The following PDLIM5 variants were observed in gnomAD, a reference collection of about 807,000 sequenced individuals.
The protein encoded by PDLIM5 is PDZ and LIM domain 5, also known as PDZ and LIM domain protein 5.
Under a neutral mutation model 64.2 loss-of-function variants are expected in PDLIM5, and 34 were observed. The ratio of observed to expected loss-of-function variants is 0.53; its 90% CI spans 0.40 to 0.71. PDLIM5 has a LOEUF of 0.71. PDLIM5 is among the 30% of genes least tolerant of loss of function. The pLI is 0.00. For synonymous variants in PDLIM5, 253 were observed against 269.1 expected (o/e 0.94, Z 0.59); for missense variants, 683 against 733.6 (o/e 0.93, Z 0.80).
At chr4:94,612,698 AAAAG>A (rs1738475594) in intron 7 of PDLIM5, among the ~76,000 whole-genome samples, 1 of 152,056 alleles carries the variant, frequency 6.6e-6, no homozygotes, top group African/African-American at 2.4e-5. Context: ...ATGGTTTCTA[AAAAG>A]ATAGTCTAGT....
intron 7 of PDLIM5, among the ~76,000 whole-genome samples, chr4:94,614,315 G>C (rs992389525): frequency 6.6e-6 from 1 of 151,942 alleles, no homozygotes; most frequent in Non-Finnish European, 1.5e-5. Context: ...AGGTCTTGCC[G>C]TGTTGCCCAG....
At chr4:94,648,377 T>C (rs896819530) in intron 9 of PDLIM5, among the ~76,000 whole-genome samples, 1 of 152,228 alleles carries the variant, frequency 6.6e-6, no homozygotes, top group Non-Finnish European at 1.5e-5. Flanking sequence ...TGGAATGCAG[T>C]GGCAGGATCT....
At chr4:94,585,909 C>T (rs548191131) in intron 6 of PDLIM5, among the ~76,000 whole-genome samples, 172 bp downstream of exon 6, 3 of 152,220 alleles carry the variant, frequency 2.0e-5, no homozygotes, top group Non-Finnish European at 2.9e-5. Flanking sequence ...CAGTGGCTCA[C>T]GCCTGTAATC....
chr4:94,630,546 G>A (rs1242554573), intron 8 of PDLIM5, among the ~76,000 whole-genome samples: 1 of 151,870 alleles, frequency 6.6e-6, no homozygotes, highest in East Asian at 1.9e-4. Flanking sequence ...GCTAATTTTT[G>A]TATTTTTTCA....
At chr4:94,532,686 C>G (rs1730995617) in intron 3 of PDLIM5, among the ~76,000 whole-genome samples, 3 of 152,154 alleles carry the variant, frequency 2.0e-5, no homozygotes, top group Non-Finnish European at 4.4e-5. Context: ...GATCACAACC[C>G]TCACTCTTTT....
At chr4:94,611,508 A>T (rs1050258022) in intron 7 of PDLIM5, among the ~76,000 whole-genome samples, 1 of 152,240 alleles carries the variant, frequency 6.6e-6, no homozygotes, top group Non-Finnish European at 1.5e-5. Flanking sequence ...CATTGCATGG[A>T]TATAGCTATA....
intron 3 of PDLIM5, among the ~76,000 whole-genome samples, chr4:94,563,993 T>A (rs981380136): frequency 6.7e-6 from 1 of 149,824 alleles, no homozygotes; most frequent in Non-Finnish European, 1.5e-5. Context: ...AGACAGAGTC[T>A]TACTCTGTCT....
chr4:94,622,710 G>A (rs111754795), intron 8 of PDLIM5, among the ~76,000 whole-genome samples: 7,899 of 143,838 alleles, frequency 0.055, 710 homozygotes, highest in African/African-American at 0.19. Context: ...TCACTCTGTC[G>A]CCCAGGCTGG....
intron 7 of PDLIM5, among the ~76,000 whole-genome samples, chr4:94,599,450 C>T (rs558746381): frequency 3.0e-4 from 46 of 151,800 alleles, no homozygotes; most frequent in African/African-American, 1.0e-3. Context: ...CTAATAGAAT[C>T]GAGGGATAGC....
At chr4:94,480,505 G>A (rs1255176806) in intron 2 of PDLIM5, among the ~76,000 whole-genome samples, 1 of 152,200 alleles carries the variant, frequency 6.6e-6, no homozygotes, top group Admixed American at 6.5e-5. Flanking sequence ...AGAGATGATG[G>A]GAAGAAGTGG....
At chr4:94,492,289 TC>T (rs1030472113) in intron 2 of PDLIM5, among the ~76,000 whole-genome samples, 7 of 151,924 alleles carry the variant, frequency 4.6e-5, no homozygotes, top group Non-Finnish European at 8.8e-5. Flanking sequence ...ATACTTCCTC[TC>T]TTTTTTTTTT....
At chr4:94,504,475 T>C (rs973985901) in intron 2 of PDLIM5, among the ~76,000 whole-genome samples, 2 of 152,026 alleles carry the variant, frequency 1.3e-5, no homozygotes, top group African/African-American at 4.8e-5. Context: ...TTAGTAGAGA[T>C]GGGGTTTCGC....
intron 10 of PDLIM5, 29 bp from the exon 11 acceptor site, chr4:94,657,398 T>G (rs1166640629): frequency 6.7e-7 from 1 of 1,502,766 alleles, no homozygotes; most frequent in Non-Finnish European, 9.2e-7. Flanking sequence ...CATCTTCTTT[T>G]TTTACATCCA....
chr4:94,578,187 G>A (rs909516223), intron 5 of PDLIM5, among the ~76,000 whole-genome samples: 1 of 152,114 alleles, frequency 6.6e-6, no homozygotes, highest in Admixed American at 6.6e-5. Flanking sequence ...GAAAAGTACT[G>A]CATTTAAAAC....
chr4:94,564,803 G>C (rs1578385646), intron 3 of PDLIM5, among the ~76,000 whole-genome samples: 1 of 151,752 alleles, frequency 6.6e-6, no homozygotes, highest in Admixed American at 6.6e-5. Context: ...CTACAGGTGA[G>C]TGCCACCACG....
intron 9 of PDLIM5, among the ~76,000 whole-genome samples, chr4:94,648,731 C>T (rs1741612056): frequency 6.6e-6 from 1 of 152,196 alleles, no homozygotes. Flanking sequence ...CTTCCAAGCC[C>T]ACGCAGGTTG....
At chr4:94,594,305 T>G (rs1283809552) in intron 7 of PDLIM5, among the ~76,000 whole-genome samples, 1 of 152,116 alleles carries the variant, frequency 6.6e-6, no homozygotes, top group Non-Finnish European at 1.5e-5. Flanking sequence ...TTTGGTGTGT[T>G]TCAACATGAA....
chr4:94,458,937 A>C (rs1008016230), intron 2 of PDLIM5, among the ~76,000 whole-genome samples: 1 of 152,190 alleles, frequency 6.6e-6, no homozygotes, highest in African/African-American at 2.4e-5. Flanking sequence ...CTGGATGATC[A>C]CATGTCATTT....
intron 2 of PDLIM5, among the ~76,000 whole-genome samples, chr4:94,503,287 C>T (rs547336506): frequency 2.6e-5 from 4 of 152,212 alleles, no homozygotes; most frequent in African/African-American, 9.6e-5. Context: ...AAACTCAGGA[C>T]GATAATTCAG....
Sources: gnomAD v4.1 joint callset for allele counts (sites outside exome capture counted in the v4.1 genomes callset) on GRCh38, gnomAD v4.1.1 for gene constraint, MANE v1.5 for transcripts, NCBI Gene and HGNC (gene_info 2026-07-23, HGNC 2026-07-21) for gene names.